The following CALCRL variants were observed in gnomAD, a reference collection of about 807,000 sequenced individuals.
The protein encoded by CALCRL is calcitonin gene-related peptide type 1 receptor.
In CALCRL, 27 loss-of-function variants were observed where a neutral mutation model predicts 60.4. The ratio of observed to expected loss-of-function variants is 0.45; its 90% CI spans 0.33 to 0.62. The LOEUF (loss-of-function observed/expected upper bound fraction) is 0.62, where lower values mean the gene tolerates loss of function less well. Among genes scored for constraint, CALCRL ranks in the 20% least tolerant of loss-of-function variants. The probability of loss-of-function intolerance (pLI) is 0.03; values close to 1 mark genes in which losing one functional copy is unlikely to be tolerated. For missense variants in CALCRL, 424 were observed against 540.7 expected (o/e 0.78, Z 2.14); for synonymous variants, 190 against 182.6 (o/e 1.04, Z -0.33).
At chr2:187,352,581 C>T (rs1686581904) in intron 12 of CALCRL, among the ~76,000 whole-genome samples, 1 of 151,588 alleles carries the variant, frequency 6.6e-6, no homozygotes, top group South Asian at 2.1e-4. Context: ...TACTGTGGAA[C>T]ATATTCAGTT....
At chr2:187,439,418 C>T (rs549368451) in intron 1 of CALCRL, among the ~76,000 whole-genome samples, 1 of 152,206 alleles carries the variant, frequency 6.6e-6, no homozygotes, top group Non-Finnish European at 1.5e-5. Context: ...CATGCCCCTG[C>T]ACTCCAGCCT....
chr2:187,411,194 A>G (rs962286972), intron 1 of CALCRL, among the ~76,000 whole-genome samples: 1 of 152,190 alleles, frequency 6.6e-6, no homozygotes, highest in Admixed American at 6.5e-5. Context: ...GAGAAAAAAG[A>G]CAGTTGAGGT....
At chr2:187,409,361 T>A (rs145975176) in intron 1 of CALCRL, among the ~76,000 whole-genome samples, 38 of 152,340 alleles carry the variant, frequency 2.5e-4, no homozygotes, top group African/African-American at 8.9e-4. Flanking sequence ...TTTTCTGATA[T>A]TTTCTTTCTA....
intron 1 of CALCRL, among the ~76,000 whole-genome samples, chr2:187,407,262 T>C (rs998360716): frequency 2.6e-5 from 4 of 152,262 alleles, no homozygotes; most frequent in African/African-American, 9.6e-5. Flanking sequence ...ATTACAAATA[T>C]GCATCCATAG....
chr2:187,374,311 A>G (rs532543539), intron 8 of CALCRL, among the ~76,000 whole-genome samples: 4 of 152,292 alleles, frequency 2.6e-5, no homozygotes, highest in African/African-American at 9.6e-5. Flanking sequence ...ATAATAATAA[A>G]GGAAAATTTG....
intron 1 of CALCRL, among the ~76,000 whole-genome samples, chr2:187,443,519 T>TA (rs1691024230): frequency 6.6e-6 from 1 of 151,756 alleles, no homozygotes; most frequent in African/African-American, 2.4e-5. Context: ...AGTGTACTTC[T>TA]ATAAATACCA....
intron 1 of CALCRL, among the ~76,000 whole-genome samples, chr2:187,389,407 T>C (rs544366845): frequency 1.3e-5 from 2 of 152,208 alleles, no homozygotes; most frequent in East Asian, 3.9e-4. Context: ...AGTATGTTTC[T>C]TAGTATGAAT....
intron 1 of CALCRL, among the ~76,000 whole-genome samples, chr2:187,426,902 A>G (rs1407028450): frequency 1.3e-5 from 2 of 152,158 alleles, no homozygotes; most frequent in Non-Finnish European, 2.9e-5. Flanking sequence ...TTCATCTTAA[A>G]CAAAAGTAAA....
intron 1 of CALCRL, among the ~76,000 whole-genome samples, chr2:187,432,267 C>A (rs761828622): frequency 2.6e-5 from 4 of 152,098 alleles, no homozygotes; most frequent in African/African-American, 9.7e-5. Flanking sequence ...ATGTTGAAAG[C>A]AAGACATAGC....
intron 1 of CALCRL, among the ~76,000 whole-genome samples, chr2:187,418,841 G>GT (rs914277940): frequency 2.6e-4 from 36 of 137,600 alleles, no homozygotes; most frequent in African/African-American, 7.2e-4. Flanking sequence ...AGAAACTTGT[G>GT]TTTTTTTTTC....
At chr2:187,398,494 T>C (rs760775055) in intron 1 of CALCRL, among the ~76,000 whole-genome samples, 2 of 151,654 alleles carry the variant, frequency 1.3e-5, no homozygotes, top group African/African-American at 4.8e-5. Context: ...AGGAACTCTG[T>C]TGATACTGTC....
chr2:187,412,544 A>C (rs1289602614), intron 1 of CALCRL, among the ~76,000 whole-genome samples: 1 of 152,194 alleles, frequency 6.6e-6, no homozygotes, highest in African/African-American at 2.4e-5. Flanking sequence ...TTTCACACGG[A>C]AAATCTGTTT....
intron 1 of CALCRL, among the ~76,000 whole-genome samples, chr2:187,435,291 C>G (rs990007989): frequency 6.6e-6 from 1 of 152,030 alleles, no homozygotes; most frequent in East Asian, 1.9e-4. Flanking sequence ...CTCGTGGCAA[C>G]AGAGGGAGCA....
chr2:187,408,622 C>A (rs1286199557), intron 1 of CALCRL, among the ~76,000 whole-genome samples: 1 of 151,826 alleles, frequency 6.6e-6, no homozygotes, highest in Non-Finnish European at 1.5e-5. Flanking sequence ...AATAATAAAA[C>A]CCCCTTCTAT....
intron 1 of CALCRL, among the ~76,000 whole-genome samples, chr2:187,440,973 T>C (rs901306531): frequency 6.6e-6 from 1 of 152,052 alleles, no homozygotes; most frequent in Non-Finnish European, 1.5e-5. Context: ...TTTGCTCATA[T>C]CTCATTTGAA....
At chr2:187,429,464 G>A (rs1291961635) in intron 1 of CALCRL, among the ~76,000 whole-genome samples, 2 of 152,164 alleles carry the variant, frequency 1.3e-5, no homozygotes, top group Admixed American at 6.5e-5. Context: ...AGTTCAGGAG[G>A]GTTTTGTGAT....
intron 1 of CALCRL, among the ~76,000 whole-genome samples, chr2:187,442,647 A>G (rs968455699): frequency 1.3e-5 from 2 of 151,954 alleles, no homozygotes; most frequent in Admixed American, 6.6e-5. Flanking sequence ...CTAAAAGCTG[A>G]ATTTATTGGA....
intron 1 of CALCRL, among the ~76,000 whole-genome samples, chr2:187,395,237 C>T (rs763242064): frequency 1.3e-5 from 2 of 152,118 alleles, no homozygotes; most frequent in African/African-American, 2.4e-5. Context: ...CATACTGACT[C>T]GGACAATGGA....
At chr2:187,386,781 G>C (rs1179021286) in intron 3 of CALCRL, among the ~76,000 whole-genome samples, 1 of 152,090 alleles carries the variant, frequency 6.6e-6, no homozygotes, top group Non-Finnish European at 1.5e-5. Flanking sequence ...TGTTGTGGGA[G>C]GGACCCAGTG....
Sources: allele counts gnomAD v4.1 joint callset (sites outside exome capture counted in the v4.1 genomes callset), GRCh38; gene constraint gnomAD v4.1.1; transcripts MANE v1.5; gene names NCBI Gene and HGNC (gene_info 2026-07-23, HGNC 2026-07-21).